Variants in FRMD3 observed in about 807,000 individuals in gnomAD.
FRMD3 encodes the protein FERM domain containing 3, also known as FERM domain-containing protein 3.
Under a neutral mutation model 70.2 loss-of-function variants are expected in FRMD3, and 33 were observed. The ratio of observed to expected loss-of-function variants is 0.47; its 90% confidence interval spans 0.36 to 0.63. The LOEUF (loss-of-function observed/expected upper bound fraction) is 0.63. Among genes scored for constraint, FRMD3 ranks in the 20% least tolerant of loss-of-function variants. FRMD3 has a pLI of 0.00. For missense variants in FRMD3, 632 were observed against 711.4 expected, an observed-to-expected ratio of 0.89 and a Z score of 1.27; for synonymous variants, 279 against 255.9, an observed-to-expected ratio of 1.09 and a Z score of -0.86.
At position 83,246,116 on chromosome 9, in the gene FRMD3, C is replaced by T. The variant is rs770871216; in HGVS notation, c.*1802G>A. 2.0e-4 allele frequency: 200 copies of T among 985,122 alleles called. No homozygotes were observed. Among genetic ancestry groups the T allele is most frequent in the Non-Finnish European group, 2.4e-4 (197 of 829,848 alleles). 61.0% of individuals were successfully genotyped at this position (985,122 alleles called of 1,614,324 possible). A position where few individuals can be genotyped will look rare whatever the true frequency, so the allele number is the denominator to read the frequency against. Reference sequence around the variant, plus strand: ...ATGTCCAGTGAAGTACTCAGAGCTCCACTGAGTGAGTGGAAATGTATTGCC... The same window carrying T: ...ATGTCCAGTGAAGTACTCAGAGCTCTACTGAGTGAGTGGAAATGTATTGCC... On this transcript the variant is annotated 3_prime_UTR_variant, in exon 14 of 14. Coordinates refer to ENST00000304195, the MANE Select transcript of FRMD3 (RefSeq NM_174938.6).
In FRMD3 at chr9:83,510,116, C is replaced by T. The variant is rs138759415; in HGVS notation, c.147+27969G>A. Among the ~76,000 whole-genome samples, 949 of 152,180 alleles carry T rather than the reference C, an allele frequency of 6.2e-3. 6 individuals carry two copies. Among genetic ancestry groups the T allele is most frequent in the Middle Eastern group, 0.017 (5 of 294 alleles). On this transcript the variant is annotated intron_variant, in intron 1 of 13. Coordinates refer to ENST00000304195, the MANE Select transcript of FRMD3 (RefSeq NM_174938.6). ...TGGTTGGGTCACAGTGTCCCCCAGC[C>T]CCGCAGATGAAAGAGGTTTCAGCAT... is the stretch of plus-strand genomic sequence containing the variant.
chr9:83,387,311 A>G (rs1472141243), intron 2 of FRMD3, among the ~76,000 whole-genome samples: 1 of 152,118 alleles, frequency 6.6e-6, no homozygotes, highest in Non-Finnish European at 1.5e-5. Context: ...GGATGGACTC[A>G]TGGATATTTA....
At chr9:83,441,639 C>A (rs1827298481) in intron 1 of FRMD3, among the ~76,000 whole-genome samples, 1 of 152,206 alleles carries the variant, frequency 6.6e-6, no homozygotes, top group Non-Finnish European at 1.5e-5. Context: ...TAGAAAACAT[C>A]TGTTTCCTAA....
At chr9:83,446,511 G>A (rs1477121864) in intron 1 of FRMD3, among the ~76,000 whole-genome samples, 1 of 152,036 alleles carries the variant, frequency 6.6e-6, no homozygotes, top group Non-Finnish European at 1.5e-5. Flanking sequence ...GCCGGGCGCG[G>A]TGGCGGGCGC....
At chr9:83,527,615 C>A (rs1829712321) in intron 1 of FRMD3, among the ~76,000 whole-genome samples, 1 of 152,124 alleles carries the variant, frequency 6.6e-6, no homozygotes, top group Non-Finnish European at 1.5e-5. Context: ...TGGAAGCGTG[C>A]TAAGAATGTC....
intron 13 of FRMD3, among the ~76,000 whole-genome samples, chr9:83,256,792 T>C (rs1484165566): frequency 6.6e-6 from 1 of 151,428 alleles, no homozygotes; most frequent in African/African-American, 2.4e-5. Context: ...ATTAGAGAAA[T>C]GCAAATCAAA....
At chr9:83,475,307 A>G (rs1828369670) in intron 1 of FRMD3, among the ~76,000 whole-genome samples, 2 of 152,122 alleles carry the variant, frequency 1.3e-5, no homozygotes. Context: ...TATATGAGTC[A>G]GATGGAAATT....
chr9:83,501,201 G>A (rs191366283), intron 1 of FRMD3, among the ~76,000 whole-genome samples: 1 of 152,286 alleles, frequency 6.6e-6, no homozygotes, highest in East Asian at 1.9e-4. Flanking sequence ...GGCTGAGGCA[G>A]GAGAATGGCA....
At chr9:83,553,707 CCCATTAGGATCTCTTTATA>C in the FRMD3 span, among the ~76,000 whole-genome samples, 1 of 152,166 alleles carries the variant, frequency 6.6e-6, no homozygotes, top group Non-Finnish European at 1.5e-5. Context: ...GTCTGTCAGA[CCCATTAGGATCTCTTTATA>C]CCAGCTATTT....
intron 1 of FRMD3, among the ~76,000 whole-genome samples, chr9:83,484,871 C>G (rs1587458501): frequency 6.6e-6 from 1 of 152,216 alleles, no homozygotes; most frequent in African/African-American, 2.4e-5. Flanking sequence ...TAGAGAAACA[C>G]TCCATCTTAT....
intron 1 of FRMD3, 146 bp from the exon 2 acceptor site, chr9:83,389,854 T>C: frequency 1.6e-6 from 1 of 616,552 alleles, no homozygotes; most frequent in Non-Finnish European, 2.9e-6. Context: ...CCAAACTCTT[T>C]TAACCACAAA....
intron 1 of FRMD3, among the ~76,000 whole-genome samples, chr9:83,462,742 C>T (rs1398237760): frequency 1.3e-5 from 2 of 152,170 alleles, no homozygotes; most frequent in Non-Finnish European, 2.9e-5. Flanking sequence ...ATTTCGGCTG[C>T]CTCCCTAATC....
At chr9:83,566,722 G>A in the FRMD3 span, among the ~76,000 whole-genome samples, 1 of 152,212 alleles carries the variant, frequency 6.6e-6, no homozygotes, top group East Asian at 1.9e-4. Context: ...AAATTTTAAA[G>A]CTCCGAAATG....
At chr9:83,265,594 G>A (rs1205319111) in intron 13 of FRMD3, among the ~76,000 whole-genome samples, 2 of 152,094 alleles carry the variant, frequency 1.3e-5, no homozygotes, top group East Asian at 1.9e-4. Context: ...TAAACAAATA[G>A]GCAGTTCTGC....
the FRMD3 span, among the ~76,000 whole-genome samples, chr9:83,546,216 G>C: frequency 6.6e-6 from 1 of 152,162 alleles, no homozygotes; most frequent in East Asian, 1.9e-4. Context: ...AATTAGCCAG[G>C]CATGGCGGTA....
At position 83,269,283 on chromosome 9, in the gene FRMD3, A is replaced by C. The variant is rs140576891; in HGVS notation, c.1196-20767T>G. On this transcript the variant is annotated intron_variant, in intron 13 of 13. Coordinates refer to ENST00000304195, the MANE Select transcript of FRMD3 (RefSeq NM_174938.6). Reference sequence around the variant, plus strand: ...TATGACCTGACAGCTCACTTGAAACAAACAGACCTTCCAAAGACAAAAGAG... The same window carrying C: ...TATGACCTGACAGCTCACTTGAAACCAACAGACCTTCCAAAGACAAAAGAG... Among the ~76,000 whole-genome samples the C allele has an allele frequency of 5.4e-4, 82 of 152,348 alleles. No individual in the cohort carries two copies. The East Asian group carries it at 0.011, about 21-fold the overall frequency.
intron 12 of FRMD3, among the ~76,000 whole-genome samples, chr9:83,293,158 A>G (rs551335940): frequency 4.6e-5 from 7 of 152,218 alleles, no homozygotes; most frequent in Non-Finnish European, 7.4e-5. Context: ...AGATAGAGAA[A>G]TCTTTACAAA....
At chr9:83,447,529 C>T (rs936243745) in intron 1 of FRMD3, among the ~76,000 whole-genome samples, 2 of 152,162 alleles carry the variant, frequency 1.3e-5, no homozygotes, top group Admixed American at 6.5e-5. Context: ...GCCCGAGGCA[C>T]TGTGATGGCT....
intron 1 of FRMD3, among the ~76,000 whole-genome samples, chr9:83,531,164 G>T (rs888405979): frequency 2.6e-5 from 4 of 152,168 alleles, no homozygotes; most frequent in African/African-American, 9.7e-5. Context: ...ATCCCAAATG[G>T]CAAGAAGAGG....
Sources: allele counts gnomAD v4.1 joint callset (sites outside exome capture counted in the v4.1 genomes callset), GRCh38; gene constraint gnomAD v4.1.1; transcripts MANE v1.5; gene names NCBI Gene and HGNC (gene_info 2026-07-23, HGNC 2026-07-21).